ERBB4: variants seen among roughly 807,000 people sequenced by gnomAD.
ERBB4 encodes the protein receptor tyrosine-protein kinase erbB-4.
Under a neutral mutation model 158.0 loss-of-function variants are expected in ERBB4, and 42 were observed. That is an observed-to-expected ratio of 0.27 (90% CI 0.21 to 0.34). The LOEUF (loss-of-function observed/expected upper bound fraction) is 0.34. Among genes scored for constraint, ERBB4 ranks in the 10% least tolerant of loss-of-function variants. The probability of loss-of-function intolerance (pLI) is 1.00; values close to 1 mark genes in which losing one functional copy is unlikely to be tolerated. For missense variants in ERBB4, 1,333 were observed against 1,624.1 expected (o/e 0.82, Z 3.08); for synonymous variants, 583 against 558.7 (o/e 1.04, Z -0.61).
At chr2:212,410,817 G>C (rs923672549) in intron 1 of ERBB4, among the ~76,000 whole-genome samples, 1 of 151,982 alleles carries the variant, frequency 6.6e-6, no homozygotes, top group Non-Finnish European at 1.5e-5. Context: ...CACCATGTAA[G>C]ACTCTAACAT....
intron 3 of ERBB4, among the ~76,000 whole-genome samples, chr2:211,901,804 A>G (rs2125033618): frequency 6.6e-6 from 1 of 152,282 alleles, no homozygotes; most frequent in South Asian, 2.1e-4. Flanking sequence ...CTTGATGAAT[A>G]AAGAATGCTG....
intron 3 of ERBB4, among the ~76,000 whole-genome samples, chr2:211,863,635 C>T (rs1227532263): frequency 1.3e-5 from 2 of 152,076 alleles, no homozygotes; most frequent in Non-Finnish European, 2.9e-5. Context: ...GTCAGTGAGA[C>T]CAGGAACCCA....
chr2:212,459,686 C>G (rs1688475224), intron 1 of ERBB4, among the ~76,000 whole-genome samples: 1 of 152,122 alleles, frequency 6.6e-6, no homozygotes, highest in Non-Finnish European at 1.5e-5. Flanking sequence ...TACCTTACTT[C>G]AATTTAATAC....
At chr2:211,921,019 A>G (rs1257852035) in intron 3 of ERBB4, among the ~76,000 whole-genome samples, 2 of 152,022 alleles carry the variant, frequency 1.3e-5, no homozygotes, top group Non-Finnish European at 2.9e-5. Context: ...TTCAGATATA[A>G]ATGTTTTTAA....
intron 2 of ERBB4, among the ~76,000 whole-genome samples, chr2:212,057,781 G>C (rs1447349661): frequency 1.3e-5 from 2 of 152,210 alleles, no homozygotes. Flanking sequence ...ATTCAAAGCA[G>C]TGTGTAGAGG....
intron 20 of ERBB4, among the ~76,000 whole-genome samples, chr2:211,513,124 A>T (rs2065923073): frequency 1.3e-5 from 2 of 151,808 alleles, no homozygotes; most frequent in Admixed American, 6.6e-5. Context: ...TGTTCCCTCA[A>T]GCCCTGTTTA....
At chr2:211,605,949 C>T (rs1220747486) in intron 19 of ERBB4, among the ~76,000 whole-genome samples, 2 of 151,816 alleles carry the variant, frequency 1.3e-5, no homozygotes, top group African/African-American at 4.8e-5. Context: ...TTTCTTTTAC[C>T]TAAGAGGTCT....
In ERBB4 at chr2:211,904,873, TTTG is replaced by T. The variant is rs370561862; in HGVS notation, c.421+42554_421+42556del. ...TAGACAGGAATTACGTGTGGTAAGT[TTTG>T]TTGTTGTTGTTGTTTATGGTCAGCA... On this transcript the variant is annotated intron_variant, in intron 3 of 27. Transcript: ENST00000342788. 1.0e-3 allele frequency among the ~76,000 whole-genome samples: 153 copies of T among 152,130 alleles called. 1 individual carries two copies. Among genetic ancestry groups the T allele is most frequent in the African/African-American group, 3.4e-3 (143 of 41,524 alleles).
intron 17 of ERBB4, among the ~76,000 whole-genome samples, chr2:211,628,571 G>A (rs1574885776): frequency 6.6e-6 from 1 of 152,134 alleles, no homozygotes; most frequent in Non-Finnish European, 1.5e-5. Flanking sequence ...GTCTATCATT[G>A]CTGGACATTT....
intron 13 of ERBB4, among the ~76,000 whole-genome samples, chr2:211,678,702 C>T (rs1224896974): frequency 6.6e-6 from 1 of 152,170 alleles, no homozygotes; most frequent in Non-Finnish European, 1.5e-5. Context: ...TGCAGTGGCT[C>T]ACGCCTGTAA....
At chr2:212,138,617 C>G (rs2080348285) in intron 1 of ERBB4, among the ~76,000 whole-genome samples, 1 of 152,126 alleles carries the variant, frequency 6.6e-6, no homozygotes, top group Non-Finnish European at 1.5e-5. Flanking sequence ...ATAAATTACC[C>G]AGTCTCAGGC....
At chr2:212,379,556 T>C (rs1005043638) in intron 1 of ERBB4, among the ~76,000 whole-genome samples, 1 of 151,686 alleles carries the variant, frequency 6.6e-6, no homozygotes, top group African/African-American at 2.4e-5. Flanking sequence ...GCCAGAAAGA[T>C]CTTTTTAAAA....
At chr2:211,625,487 T>C (rs969633121) in intron 17 of ERBB4, among the ~76,000 whole-genome samples, 1 of 152,196 alleles carries the variant, frequency 6.6e-6, no homozygotes, top group Non-Finnish European at 1.5e-5. Context: ...TAAACTTAGG[T>C]TATCTTCAAA....
At chr2:211,482,371 TG>T (rs2065105623) in intron 20 of ERBB4, among the ~76,000 whole-genome samples, 1 of 152,174 alleles carries the variant, frequency 6.6e-6, no homozygotes, top group Non-Finnish European at 1.5e-5. Context: ...GCCTCAGTAT[TG>T]GGGAAAAATT....
chr2:211,677,270 G>A (rs971773504), intron 13 of ERBB4, among the ~76,000 whole-genome samples: 2 of 152,062 alleles, frequency 1.3e-5, no homozygotes, highest in African/African-American at 2.4e-5. Flanking sequence ...CAAAACTATT[G>A]AAAATACTTT....
At chr2:212,200,282 A>T (rs2082553157) in intron 1 of ERBB4, among the ~76,000 whole-genome samples, 1 of 152,172 alleles carries the variant, frequency 6.6e-6, no homozygotes, top group South Asian at 2.1e-4. Context: ...ATATGAAAAG[A>T]AATAGGAAAA....
At chr2:212,279,141 G>A (rs2085657500) in intron 1 of ERBB4, among the ~76,000 whole-genome samples, 1 of 151,462 alleles carries the variant, frequency 6.6e-6, no homozygotes, top group East Asian at 1.9e-4. Context: ...AATGAGTTAT[G>A]AGTATAGAAG....
At chr2:211,669,845 T>C (rs1388705207) in intron 14 of ERBB4, among the ~76,000 whole-genome samples, 1 of 152,190 alleles carries the variant, frequency 6.6e-6, no homozygotes, top group Non-Finnish European at 1.5e-5. Context: ...TGAGTCACAG[T>C]TTCATATCCT....
rs28437593 is a variant in ERBB4, at chr2:211,610,262, A to C, written c.2301+8915T>G. ...CCTATTGCAATTATCACAGCATAGTAAGCCTTTTTTCCCTTAACCAAATTA... is the reference window on the plus strand; with the variant it reads ...CCTATTGCAATTATCACAGCATAGTCAGCCTTTTTTCCCTTAACCAAATTA... On this transcript the variant is annotated intron_variant, in intron 19 of 27. Coordinates refer to ENST00000342788, the MANE Select transcript of ERBB4 (RefSeq NM_005235.3). 8.5e-4 allele frequency among the ~76,000 whole-genome samples: 129 copies of C among 152,274 alleles called. 1 individual carries two copies. Among genetic ancestry groups the C allele is most frequent in the African/African-American group, 3.0e-3 (124 of 41,562 alleles).
Sources: allele counts gnomAD v4.1 joint callset (sites outside exome capture counted in the v4.1 genomes callset), GRCh38; gene constraint gnomAD v4.1.1; transcripts MANE v1.5; gene names NCBI Gene and HGNC (gene_info 2026-07-23, HGNC 2026-07-21).